Variants in SYNPO2 observed in about 807,000 individuals in gnomAD.
SYNPO2 encodes synaptopodin 2.
SYNPO2 carries 56 observed loss-of-function variants against 85.0 expected under a neutral mutation model. The observed-to-expected ratio is 0.66, with a 90% CI of 0.53 to 0.82. The LOEUF is 0.82. Ranked by LOEUF, SYNPO2 falls within the 40% of genes least tolerant of loss-of-function variation. The pLI is 0.00. For missense variants in SYNPO2, 1,575 were observed against 1,534.2 expected, an observed-to-expected ratio of 1.03 and a Z score of -0.44; for synonymous variants, 602 against 591.1, an observed-to-expected ratio of 1.02 and a Z score of -0.27.
intron 1 of SYNPO2, among the ~76,000 whole-genome samples, chr4:118,986,859 GTTA>G (rs1736239410): frequency 1.3e-5 from 2 of 152,282 alleles, no homozygotes; most frequent in African/African-American, 4.8e-5. Context: ...GAAATAGACT[GTTA>G]TTCAGTGTGC....
At chr4:119,034,655 T>C (rs539528386) in intron 4 of SYNPO2, 7 of 985,396 alleles carry the variant, frequency 7.1e-6, no homozygotes, top group Non-Finnish European at 8.4e-6. Context: ...CAAAACAATA[T>C]CCACAACAAA....
intron 1 of SYNPO2, among the ~76,000 whole-genome samples, chr4:118,897,105 G>T (rs560806020): frequency 6.6e-6 from 1 of 152,260 alleles, no homozygotes; most frequent in African/African-American, 2.4e-5. Context: ...AGTTTCACAT[G>T]GCTGGGGAGG....
intron 4 of SYNPO2, chr4:119,032,480 A>G: frequency 9.6e-7 from 1 of 1,038,774 alleles, no homozygotes; most frequent in Non-Finnish European, 1.2e-6. Flanking sequence ...CCTTTTAGGT[A>G]GTGCCTTATC....
At chr4:119,037,270 T>G in intron 4 of SYNPO2, 2 of 1,441,102 alleles carry the variant, frequency 1.4e-6, no homozygotes. Context: ...CTTGGGCTCC[T>G]TAATAACTAC....
chr4:118,884,893 T>C (rs1211460877), upstream of SYNPO2, among the ~76,000 whole-genome samples: 1 of 152,190 alleles, frequency 6.6e-6, no homozygotes. Flanking sequence ...TTCAGACAAC[T>C]TAAGAGACCT....
chr4:119,027,511 T>C (rs1435942976), intron 3 of SYNPO2, 73 bp downstream of exon 3: 3 of 1,342,468 alleles, frequency 2.2e-6, no homozygotes, highest in Non-Finnish European at 3.0e-6. Flanking sequence ...CTTGCATGAG[T>C]TTTTCAGCAA....
intron 1 of SYNPO2, among the ~76,000 whole-genome samples, chr4:118,970,100 T>C (rs375584858): frequency 3.1e-4 from 47 of 152,224 alleles, no homozygotes; most frequent in African/African-American, 1.0e-3. Context: ...TTCTTGGAAA[T>C]GTACTTGTAA....
rs141947203 is a variant in SYNPO2 at position 118,985,179 on chromosome 4, A to G, written c.106-38251A>G. Among the ~76,000 whole-genome samples, 706 of 75,114 alleles carry G rather than the reference A, an allele frequency of 9.4e-3. 4 individuals carry two copies. Among genetic ancestry groups the G allele is most frequent in the Middle Eastern group, 0.023 (3 of 132 alleles). 49.3% of individuals were successfully genotyped at this position (75,114 alleles called of 152,430 possible). On this transcript the variant is annotated intron_variant, in intron 1 of 4. Transcript: ENST00000307142. ...GAAGCTTCAGAGCCACTGCTCTAGTAGGATGTAGCAGGGTTTGGGGGAAGG... is the reference window on the plus strand; with the variant it reads ...GAAGCTTCAGAGCCACTGCTCTAGTGGGATGTAGCAGGGTTTGGGGGAAGG...
chr4:118,941,154 T>C (rs1253144742), intron 1 of SYNPO2, among the ~76,000 whole-genome samples: 1 of 152,222 alleles, frequency 6.6e-6, no homozygotes, highest in Non-Finnish European at 1.5e-5. Flanking sequence ...CTGGGTTCTT[T>C]GTCTCAGTGA....
chr4:118,964,385 G>A (rs1283545400), intron 1 of SYNPO2, among the ~76,000 whole-genome samples: 9 of 152,006 alleles, frequency 5.9e-5, no homozygotes, highest in Non-Finnish European at 1.2e-4. Flanking sequence ...AGCTACTTGG[G>A]AGGCTGAGGT....
At chr4:118,867,822 A>G (rs987308614) in intron 1 of SYNPO2, among the ~76,000 whole-genome samples, 1 of 152,166 alleles carries the variant, frequency 6.6e-6, no homozygotes, top group Non-Finnish European at 1.5e-5. Context: ...AAAGCAAAGT[A>G]TCTTGCATCA....
At chr4:118,858,759 A>T (rs896820215) in intron 1 of SYNPO2, among the ~76,000 whole-genome samples, 2 of 152,238 alleles carry the variant, frequency 1.3e-5, no homozygotes, top group African/African-American at 4.8e-5. Context: ...GAATGAGCAA[A>T]TGTTAGTTTT....
chr4:118,879,763 C>G (rs1373175956), intron 1 of SYNPO2, among the ~76,000 whole-genome samples: 1 of 152,088 alleles, frequency 6.6e-6, no homozygotes, highest in Non-Finnish European at 1.5e-5. Context: ...CTGAACTGTC[C>G]GTGGTCTTGG....
chr4:118,878,922 G>A (rs1008227600), intron 1 of SYNPO2, among the ~76,000 whole-genome samples: 5 of 152,170 alleles, frequency 3.3e-5, no homozygotes, highest in Non-Finnish European at 7.3e-5. Context: ...AAATCCTACT[G>A]CTGTTCAGTT....
At chr4:118,976,698 G>A (rs1363013658) in intron 1 of SYNPO2, among the ~76,000 whole-genome samples, 2 of 152,192 alleles carry the variant, frequency 1.3e-5, no homozygotes, top group Non-Finnish European at 1.5e-5. Flanking sequence ...GCTAGATACA[G>A]AGTGTCGATT....
chr4:118,928,866 C>G (rs10018784), intron 1 of SYNPO2, among the ~76,000 whole-genome samples: 4,598 of 152,210 alleles, frequency 0.03, 212 homozygotes, highest in African/African-American at 0.1. Context: ...TAAATTGTTT[C>G]TTGTTCATGA....
chr4:118,966,629 G>A (rs1735326957), intron 1 of SYNPO2, among the ~76,000 whole-genome samples: 2 of 152,010 alleles, frequency 1.3e-5, no homozygotes, highest in Non-Finnish European at 1.5e-5. Context: ...AAATTATATA[G>A]CTATGTATCA....
chr4:118,896,825 A>G (rs1732564304), intron 1 of SYNPO2, among the ~76,000 whole-genome samples: 3 of 152,206 alleles, frequency 2.0e-5, no homozygotes, highest in Admixed American at 6.5e-5. Flanking sequence ...GAACATTGTG[A>G]ATGAAAAATT....
intron 3 of SYNPO2, 57 bp downstream of exon 3, chr4:119,027,495 T>G (rs1026015958): frequency 1.0e-5 from 15 of 1,440,244 alleles, no homozygotes; most frequent in East Asian, 2.4e-5. Context: ...TTTTGCTGCT[T>G]CTTTGCTTGC....
Sources: allele counts gnomAD v4.1 joint callset (sites outside exome capture counted in the v4.1 genomes callset), GRCh38; gene constraint gnomAD v4.1.1; transcripts MANE v1.5; gene names NCBI Gene and HGNC (gene_info 2026-07-23, HGNC 2026-07-21).